The following DOCK10 variants were observed in gnomAD, a reference collection of about 807,000 sequenced individuals.
DOCK10 encodes the protein dedicator of cytokinesis 10.
DOCK10 carries 145 observed loss-of-function variants against 280.1 expected under a neutral mutation model. The ratio of observed to expected loss-of-function variants is 0.52; its 90% CI spans 0.45 to 0.59. DOCK10 has a LOEUF of 0.59. Ranked by LOEUF, DOCK10 falls within the 20% of genes least tolerant of loss-of-function variation. The probability of loss-of-function intolerance (pLI) is 0.00; values close to 1 mark genes in which losing one functional copy is unlikely to be tolerated. For missense variants in DOCK10, 2,368 were observed against 2,651.7 expected (o/e 0.89, Z 2.35); for synonymous variants, 915 against 942.2 (o/e 0.97, Z 0.53).
chr2:224,947,797 G>A (rs1168232690), intron 1 of DOCK10, among the ~76,000 whole-genome samples: 1 of 151,874 alleles, frequency 6.6e-6, no homozygotes, highest in Non-Finnish European at 1.5e-5. Context: ...TTTTACTCAG[G>A]GTCTCTTCCT....
chr2:224,858,640 G>A (rs1368774322), intron 14 of DOCK10, among the ~76,000 whole-genome samples: 7 of 152,278 alleles, frequency 4.6e-5, no homozygotes, highest in Non-Finnish European at 4.4e-5. Context: ...GTGACAGAGC[G>A]AGACTCCGTC....
intron 4 of DOCK10, among the ~76,000 whole-genome samples, chr2:224,894,173 C>T (rs1257034374): frequency 6.6e-6 from 1 of 152,122 alleles, no homozygotes; most frequent in Non-Finnish European, 1.5e-5. Flanking sequence ...TTTATTTCTT[C>T]TCATGAGATT....
chr2:224,880,801 A>G (rs957676769), intron 7 of DOCK10, among the ~76,000 whole-genome samples: 1 of 152,210 alleles, frequency 6.6e-6, no homozygotes, highest in South Asian at 2.1e-4. Context: ...CCCAAATCAA[A>G]TATTTAATTA....
intron 15 of DOCK10, among the ~76,000 whole-genome samples, chr2:224,856,296 T>A (rs562015848): frequency 6.6e-6 from 1 of 150,750 alleles, no homozygotes; most frequent in South Asian, 2.1e-4. Context: ...TTGTAAGAGT[T>A]TTTTTTTTAT....
intron 1 of DOCK10, among the ~76,000 whole-genome samples, chr2:224,972,573 T>C (rs1345294356): frequency 2.6e-5 from 4 of 152,214 alleles, no homozygotes; most frequent in Non-Finnish European, 5.9e-5. Context: ...GAGATAACTT[T>C]AAAATTACAA....
intron 26 of DOCK10, 23 bp downstream of exon 26, chr2:224,834,127 A>C: frequency 7.0e-7 from 1 of 1,426,078 alleles, no homozygotes; most frequent in South Asian, 1.1e-5. Context: ...CTCACAGTTA[A>C]AGGACCATCT....
chr2:224,816,872 C>T (rs1694165384), intron 29 of DOCK10, among the ~76,000 whole-genome samples, 159 bp from the exon 30 acceptor site: 1 of 152,122 alleles, frequency 6.6e-6, no homozygotes, highest in Non-Finnish European at 1.5e-5. Context: ...GGATTTTGTC[C>T]CCTCCGAACT....
At chr2:224,977,150 A>T (rs1236533255) in intron 1 of DOCK10, among the ~76,000 whole-genome samples, 2 of 152,238 alleles carry the variant, frequency 1.3e-5, no homozygotes, top group African/African-American at 4.8e-5. Context: ...AAAATTCAAG[A>T]CAAAGCCATA....
At chr2:224,947,791 A>C (rs1408088351) in intron 1 of DOCK10, among the ~76,000 whole-genome samples, 2 of 151,986 alleles carry the variant, frequency 1.3e-5, no homozygotes, top group African/African-American at 4.8e-5. Flanking sequence ...TATTTGTTTT[A>C]CTCAGGGTCT....
chr2:224,883,216 C>T (rs1242895982), intron 7 of DOCK10, among the ~76,000 whole-genome samples: 1 of 152,212 alleles, frequency 6.6e-6, no homozygotes, highest in African/African-American at 2.4e-5. Context: ...TTCATACCTC[C>T]ATCATCGCTC....
chr2:224,859,126 A>G (rs1242119279), intron 14 of DOCK10, among the ~76,000 whole-genome samples: 2 of 152,356 alleles, frequency 1.3e-5, no homozygotes, highest in African/African-American at 4.8e-5. Context: ...GTCCCTGGAA[A>G]GAGTCAAACA....
intron 20 of DOCK10, 53 bp downstream of exon 20, chr2:224,845,466 C>T (rs1185688953): frequency 1.3e-6 from 2 of 1,584,598 alleles, no homozygotes; most frequent in Non-Finnish European, 1.7e-6. Flanking sequence ...ACTCTCCAAA[C>T]CAATTCAAAC....
In DOCK10 at chr2:225,042,254, G is replaced by T. The variant is rs540442114; in HGVS notation, c.121C>A (p.Arg41=). ...AVAVSSRQQQ[R]QEKPRLLEPL... is the part of the protein sequence containing the mutation. Reference sequence around the variant, plus strand: ...CGCGGAGGACGCGCCGCACTCACCCGCTGCTGCTGCCGGCTGCTGACTGCC... The same window carrying T: ...CGCGGAGGACGCGCCGCACTCACCCTCTGCTGCTGCCGGCTGCTGACTGCC... Residue 41 remains arginine (R), a splice_region_variant and synonymous_variant, in exon 1 of 56, where the codon CGG becomes AGG. Transcript: ENST00000258390. This position sits in a 1 kb window ranked among gnomAD's most constrained non-coding sequence, Gnocchi z 5.1. 3 of 1,297,736 alleles carry T rather than the reference G, an allele frequency of 2.3e-6. No individual in the cohort carries two copies. Among genetic ancestry groups the T allele is most frequent in the Non-Finnish European group, 2.9e-6 (3 of 1,025,636 alleles). The allele number at this position is 1,297,736 out of a possible 1,614,324, so 80.4% of individuals were successfully genotyped here.
At chr2:224,834,039 G>A in intron 26 of DOCK10, 111 bp downstream of exon 26, 1 of 659,114 alleles carries the variant, frequency 1.5e-6, no homozygotes, top group South Asian at 1.9e-5. Context: ...CCTTATGCTG[G>A]AAACTGCAAG....
At chr2:225,016,645 GCACA>G (rs1689610590) in intron 1 of DOCK10, among the ~76,000 whole-genome samples, 1 of 18,812 alleles carries the variant, frequency 5.3e-5, no homozygotes. Context: ...ATATCTATGT[GCACA>G]TAGATACATA....
chr2:224,933,351 T>G (rs901343808), intron 1 of DOCK10, among the ~76,000 whole-genome samples: 2 of 152,250 alleles, frequency 1.3e-5, no homozygotes, highest in East Asian at 3.8e-4. Context: ...ACGTTCCAGA[T>G]GTTTGGTTTG....
At chr2:224,999,254 T>TG (rs1454481927) in intron 1 of DOCK10, among the ~76,000 whole-genome samples, 1 of 151,958 alleles carries the variant, frequency 6.6e-6, no homozygotes, top group Non-Finnish European at 1.5e-5. Context: ...CTCTCTCTTT[T>TG]TTTTTTTCAA....
intron 1 of DOCK10, among the ~76,000 whole-genome samples, chr2:225,021,449 A>C (rs190763624): frequency 8.5e-5 from 13 of 152,336 alleles, no homozygotes; most frequent in Admixed American, 8.5e-4. Flanking sequence ...TGTTTATTTT[A>C]ACCTAATTTT....
At chr2:224,814,412 C>A in intron 30 of DOCK10, 48 bp from the exon 31 acceptor site, 1 of 1,014,150 alleles carries the variant, frequency 9.9e-7, no homozygotes, top group South Asian at 1.6e-5. Context: ...TATACATACT[C>A]AGATACATAT....
Sources: gnomAD v4.1 joint callset for allele counts (sites outside exome capture counted in the v4.1 genomes callset) on GRCh38, gnomAD v4.1.1 for gene constraint, Gnocchi (gnomAD v3.1) non-coding constraint, MANE v1.5 for transcripts, NCBI Gene and HGNC (gene_info 2026-07-23, HGNC 2026-07-21) for gene names.